Variants in CTPS2 observed in about 807,000 individuals in gnomAD.
The protein encoded by CTPS2 is CTP synthase 2, also known as CTP synthase II.
In CTPS2, 19 loss-of-function variants were observed where a neutral mutation model predicts 46.8. The observed-to-expected ratio is 0.41, with a 90% confidence interval of 0.28 to 0.60. The LOEUF (loss-of-function observed/expected upper bound fraction) is 0.60, where lower values mean the gene tolerates loss of function less well. Ranked by LOEUF, CTPS2 falls within the 20% of genes least tolerant of loss-of-function variation. The pLI is 0.35. For synonymous variants in CTPS2, 151 were observed against 165.2 expected, an observed-to-expected ratio of 0.91 and a Z score of 0.66; for missense variants, 286 against 447.6, an observed-to-expected ratio of 0.64 and a Z score of 3.26.
intron 10 of CTPS2, among the ~76,000 whole-genome samples, chrX:16,677,503 G>C (rs1922379037): frequency 9.0e-6 from 1 of 110,820 alleles, no homozygotes; most frequent in South Asian, 3.9e-4. Flanking sequence ...GCAACCCTTA[G>C]TATTAAGAGT....
chrX:16,600,936 G>A (rs1017038077), intron 17 of CTPS2, among the ~76,000 whole-genome samples: 5 of 111,665 alleles, frequency 4.5e-5, no homozygotes, highest in African/African-American at 1.6e-4. Context: ...CCCTCACAGC[G>A]GCCCTAAGGA....
intron 13 of CTPS2, among the ~76,000 whole-genome samples, chrX:16,642,211 C>T (rs766866470): frequency 1.1e-4 from 12 of 112,145 alleles, no homozygotes; most frequent in African/African-American, 1.9e-4. Flanking sequence ...AAGTAATAAA[C>T]GCTACCTTCT....
chrX:16,689,466 T>C lies in CTPS2; in HGVS notation c.856A>G (p.Arg286Gly). 8.3e-7 allele frequency: 1 copy of C among 1,210,205 alleles called. No individual in the cohort carries two copies. The highest frequency in any genetic ancestry group is 1.1e-6 in the Non-Finnish European group (1 of 894,854). The change falls in exon 8 of 19, where the codon AGA (arginine) becomes GGA (glycine). Residue 286 changes from arginine to glycine, a missense_variant. By Grantham distance (125) the Arg-to-Gly change is moderately radical. Transcript: ENST00000359276. ...TTCGCTTACCTGTCAGCCATATTTCTCCACTTAAAAAGCAAATTACTTGCA... is the reference window on the plus strand; with the variant it reads ...TTCGCTTACCTGTCAGCCATATTTCCCCACTTAAAAAGCAAATTACTTGCA... ...DSASNLLFKW[R>G]NMADRYERLQ...
chrX:16,600,298 A>G (rs1271113123), intron 17 of CTPS2, among the ~76,000 whole-genome samples: 2 of 111,982 alleles, frequency 1.8e-5, no homozygotes, highest in African/African-American at 3.2e-5. Context: ...AAAGATTTTA[A>G]TGGCATAGTT....
At chrX:16,614,105 T>TA (rs553773503) in intron 16 of CTPS2, among the ~76,000 whole-genome samples, 2 of 110,203 alleles carry the variant, frequency 1.8e-5, no homozygotes, top group Non-Finnish European at 3.8e-5. Flanking sequence ...CTGATGAGCT[T>TA]AAAAAAAAAT....
chrX:16,638,899 G>T (rs766851852), intron 14 of CTPS2: 25 of 499,170 alleles, frequency 5.0e-5, no homozygotes, highest in Non-Finnish European at 9.0e-5. Context: ...AGGGAGTCAC[G>T]CAGATCAAAT....
At chrX:16,631,124 G>A (rs1931439966) in intron 14 of CTPS2, among the ~76,000 whole-genome samples, 1 of 111,672 alleles carries the variant, frequency 9.0e-6, no homozygotes, top group Non-Finnish European at 1.9e-5. Flanking sequence ...CGAGGCGGGT[G>A]GATCACCTGA....
At chrX:16,686,751 A>C (rs1330629642) in intron 8 of CTPS2, among the ~76,000 whole-genome samples, 1 of 111,312 alleles carries the variant, frequency 9.0e-6, no homozygotes, top group Non-Finnish European at 1.9e-5. Context: ...AAAAAACACA[A>C]AAATTAGCCA....
At chrX:16,698,459 A>G (rs1924294240) in intron 3 of CTPS2, 123 bp from the exon 4 acceptor site, 1 of 483,861 alleles carries the variant, frequency 2.1e-6, no homozygotes, top group Non-Finnish European at 3.6e-6. Context: ...TTGGAAAATG[A>G]AAAGAAAAAA....
At chrX:16,673,577 G>GTGA (rs772593609) in intron 10 of CTPS2, among the ~76,000 whole-genome samples, 19 of 106,659 alleles carry the variant, frequency 1.8e-4, no homozygotes, top group Middle Eastern at 4.8e-3. Flanking sequence ...TGTTGTGTGT[G>GTGA]TGATGTTAAA....
At chrX:16,602,001 A>G (rs985226723) in intron 17 of CTPS2, among the ~76,000 whole-genome samples, 6 of 111,509 alleles carry the variant, frequency 5.4e-5, no homozygotes, top group African/African-American at 1.6e-4. Context: ...CAAAAGATGG[A>G]GTGAATTCCA....
At chrX:16,672,680 G>A (rs767849073) in intron 10 of CTPS2, among the ~76,000 whole-genome samples, 1 of 110,818 alleles carries the variant, frequency 9.0e-6, no homozygotes, top group South Asian at 3.8e-4. Flanking sequence ...CCAGGGCTGT[G>A]GTGCAGCCAG....
chrX:16,703,922 G>T (rs1924781083), intron 1 of CTPS2, among the ~76,000 whole-genome samples: 1 of 108,413 alleles, frequency 9.2e-6, no homozygotes, highest in Non-Finnish European at 1.9e-5. Flanking sequence ...AACTGTACCT[G>T]GGCAAGTTCT....
chrX:16,647,919 T>C (rs1382983528), intron 13 of CTPS2, among the ~76,000 whole-genome samples: 1 of 110,128 alleles, frequency 9.1e-6, no homozygotes, highest in Non-Finnish European at 1.9e-5. Flanking sequence ...CATGTTGTAT[T>C]TTTCTACAAG....
At chrX:16,685,598 CCTGTAATCCCAG>C (rs1344693048) in intron 8 of CTPS2, among the ~76,000 whole-genome samples, 1 of 109,062 alleles carries the variant, frequency 9.2e-6, no homozygotes, top group Non-Finnish European at 1.9e-5. Context: ...GTGGCTCATG[CCTGTAATCCCAG>C]CAGTTTGGGA....
chrX:16,675,244 G>A (rs1038353714), intron 10 of CTPS2, among the ~76,000 whole-genome samples: 2 of 105,212 alleles, frequency 1.9e-5, no homozygotes, highest in African/African-American at 7.0e-5. Flanking sequence ...CTCCAGCCTC[G>A]GTGACAGAGC....
intron 13 of CTPS2, among the ~76,000 whole-genome samples, chrX:16,645,929 A>G (rs1165221365): frequency 8.9e-6 from 1 of 112,735 alleles, no homozygotes; most frequent in African/African-American, 3.2e-5. Flanking sequence ...CACAGCAAGA[A>G]GGCCCTCACC....
intron 2 of CTPS2, 110 bp downstream of exon 2, chrX:16,702,627 C>A: frequency 1.5e-6 from 1 of 666,891 alleles, no homozygotes; most frequent in Middle Eastern, 3.3e-4. Context: ...TCATAGCATA[C>A]GATCTAGTCA....
intron 13 of CTPS2, among the ~76,000 whole-genome samples, chrX:16,649,171 G>A (rs765985274): frequency 6.2e-5 from 7 of 112,273 alleles, no homozygotes; most frequent in South Asian, 3.7e-4. Flanking sequence ...AGAGTAAGTC[G>A]AGTGTTCTCA....
Sources: allele counts gnomAD v4.1 joint callset (sites outside exome capture counted in the v4.1 genomes callset), GRCh38; gene constraint gnomAD v4.1.1; transcripts MANE v1.5; gene names NCBI Gene and HGNC (gene_info 2026-07-23, HGNC 2026-07-21).